The following RANBP2 variants were observed in gnomAD, a reference collection of about 807,000 sequenced individuals.
RANBP2 encodes the protein RAN binding protein 2.
In RANBP2, 57 loss-of-function variants were observed where a neutral mutation model predicts 303.6. The ratio of observed to expected loss-of-function variants is 0.19; its 90% confidence interval spans 0.15 to 0.23. The LOEUF (loss-of-function observed/expected upper bound fraction) is 0.23, where lower values mean the gene tolerates loss of function less well. RANBP2 is among the 10% of genes least tolerant of loss of function. RANBP2 has a pLI of 1.00. For missense variants in RANBP2, 3,138 were observed against 3,780.8 expected, an observed-to-expected ratio of 0.83 and a Z score of 4.46; for synonymous variants, 1,167 against 1,301.5, an observed-to-expected ratio of 0.90 and a Z score of 2.23.
At chr2:109,050,363 C>T in the RANBP2 span, among the ~76,000 whole-genome samples, 1,963 of 152,148 alleles carry the variant, frequency 0.013, 24 homozygotes, top group Non-Finnish European at 0.021. Flanking sequence ...AAGTAATCCT[C>T]CCACCTCAGC....
the RANBP2 span, among the ~76,000 whole-genome samples, chr2:109,350,004 G>A: frequency 1.3e-5 from 2 of 152,244 alleles, no homozygotes; most frequent in African/African-American, 4.8e-5. Context: ...AGACAGGCCA[G>A]TGGAGAATGT....
At chr2:109,281,971 C>T in the RANBP2 span, among the ~76,000 whole-genome samples, 1 of 151,992 alleles carries the variant, frequency 6.6e-6, no homozygotes, top group Non-Finnish European at 1.5e-5. Flanking sequence ...GCCCAATGGC[C>T]GAGCGCTGGG....
At chr2:109,463,794 A>G in the RANBP2 span, among the ~76,000 whole-genome samples, 1 of 152,174 alleles carries the variant, frequency 6.6e-6, no homozygotes, top group Non-Finnish European at 1.5e-5. Context: ...CCTCTGTGAC[A>G]TGGAGAGATG....
At chr2:108,808,890 G>A in the RANBP2 span, among the ~76,000 whole-genome samples, 28 of 152,006 alleles carry the variant, frequency 1.8e-4, no homozygotes, top group Non-Finnish European at 3.4e-4. Context: ...TAGTATCTTT[G>A]CCCAGGCGAT....
chr2:109,379,953 C>G, the RANBP2 span, among the ~76,000 whole-genome samples: 1 of 152,170 alleles, frequency 6.6e-6, no homozygotes, highest in African/African-American at 2.4e-5. Flanking sequence ...AAGCAGTGGT[C>G]TTGCCTTCAC....
the RANBP2 span, among the ~76,000 whole-genome samples, chr2:108,977,413 C>T: frequency 2.0e-5 from 3 of 152,132 alleles, no homozygotes; most frequent in South Asian, 2.1e-4. Context: ...GGACTACAGG[C>T]ACCCGCCACC....
chr2:109,371,922 C>T, the RANBP2 span, among the ~76,000 whole-genome samples: 7 of 152,208 alleles, frequency 4.6e-5, no homozygotes, highest in Non-Finnish European at 8.8e-5. Context: ...CATCTCACCA[C>T]GTGGGCAGTG....
At chr2:109,079,007 A>T in the RANBP2 span, among the ~76,000 whole-genome samples, 1 of 152,110 alleles carries the variant, frequency 6.6e-6, no homozygotes, top group Non-Finnish European at 1.5e-5. Flanking sequence ...AAAGGTGACC[A>T]TGTGAAGGGA....
the RANBP2 span, among the ~76,000 whole-genome samples, chr2:109,443,474 A>G: frequency 6.6e-6 from 1 of 152,220 alleles, no homozygotes; most frequent in African/African-American, 2.4e-5. Context: ...AAAATAACTG[A>G]AAGCACCACA....
At chr2:109,238,091 A>G in the RANBP2 span, among the ~76,000 whole-genome samples, 5 of 152,198 alleles carry the variant, frequency 3.3e-5, no homozygotes, top group Admixed American at 3.3e-4. Flanking sequence ...CTGTAATCCC[A>G]GGTGGAGCTG....
the RANBP2 span, among the ~76,000 whole-genome samples, chr2:109,078,244 CGTGTATATAT>C: frequency 8.4e-5 from 1 of 11,840 alleles, no homozygotes; most frequent in Non-Finnish European, 1.4e-4. Flanking sequence ...ATATATATAG[CGTGTATATAT>C]ATATATATAG....
intron 1 of RANBP2, among the ~76,000 whole-genome samples, chr2:108,723,283 CTT>C (rs796995748): frequency 3.5e-5 from 5 of 141,990 alleles, no homozygotes; most frequent in Non-Finnish European, 4.6e-5. Context: ...ATTTTCTTTT[CTT>C]TTTTTTTTTT....
the RANBP2 span, chr2:109,437,284 A>T: frequency 7.3e-7 from 1 of 1,361,374 alleles, no homozygotes; most frequent in Non-Finnish European, 9.8e-7. Flanking sequence ...GGAGAAACTT[A>T]AGGAAAACCG....
chr2:109,589,987 T>C, the RANBP2 span, among the ~76,000 whole-genome samples: 1 of 151,760 alleles, frequency 6.6e-6, no homozygotes, highest in Non-Finnish European at 1.5e-5. Flanking sequence ...AAAATATGCA[T>C]TATGTGCATT....
chr2:109,080,428 A>G, the RANBP2 span, among the ~76,000 whole-genome samples: 1 of 152,136 alleles, frequency 6.6e-6, no homozygotes, highest in African/African-American at 2.4e-5. Context: ...GGATGGAATA[A>G]GTTGATGCCT....
chr2:108,972,198 T>G, the RANBP2 span, among the ~76,000 whole-genome samples: 9 of 152,378 alleles, frequency 5.9e-5, no homozygotes, highest in Non-Finnish European at 1.0e-4. Context: ...GAGTCATTTA[T>G]TACACAGCAC....
At chr2:109,475,248 A>G in the RANBP2 span, among the ~76,000 whole-genome samples, 1 of 152,174 alleles carries the variant, frequency 6.6e-6, no homozygotes, top group Admixed American at 6.5e-5. Flanking sequence ...AAGTGCTAGG[A>G]TTACAGGCGT....
At chr2:109,626,506 G>A in the RANBP2 span, among the ~76,000 whole-genome samples, 2 of 151,702 alleles carry the variant, frequency 1.3e-5, no homozygotes, top group Non-Finnish European at 2.9e-5. Flanking sequence ...ACAAACAAAT[G>A]CCCCTGAGAA....
At chr2:108,732,665 C>T (rs1416850639) in intron 4 of RANBP2, among the ~76,000 whole-genome samples, 1 of 152,174 alleles carries the variant, frequency 6.6e-6, no homozygotes, top group African/African-American at 2.4e-5. Context: ...TACTCTATTA[C>T]CACAGAGATC....
Sources: gnomAD v4.1 joint callset for allele counts (sites outside exome capture counted in the v4.1 genomes callset) on GRCh38, gnomAD v4.1.1 for gene constraint, MANE v1.5 for transcripts, NCBI Gene and HGNC (gene_info 2026-07-23, HGNC 2026-07-21) for gene names.